The following MMP7 variants were observed in gnomAD, a reference collection of about 807,000 sequenced individuals.
MMP7 encodes matrix metallopeptidase 7, also known as matrilysin.
Under a neutral mutation model 31.5 loss-of-function variants are expected in MMP7, and 26 were observed. The ratio of observed to expected loss-of-function variants is 0.83; its 90% CI spans 0.61 to 1.15. MMP7 has a LOEUF of 1.15. MMP7 is among the 50% of genes most tolerant of loss of function. The pLI, the probability that MMP7 is intolerant of heterozygous loss-of-function variation, is 0.00. For synonymous variants in MMP7, 142 were observed against 124.2 expected (o/e 1.14, Z -0.95); for missense variants, 367 against 326.5 (o/e 1.12, Z -0.96).
rs916025018 is a variant in MMP7, at chr11:102,526,382, G to T, written c.484+1142C>A. On this transcript the variant is annotated intron_variant, in intron 3 of 5. Transcript: ENST00000260227. The stretch of plus-strand genomic sequence containing the variant: ...AGCCTCCCAAGCAGCTGGAATTACA[G>T]GCATGCGTCACCATGCTCAGCTAAT... 1.8e-4 allele frequency among the ~76,000 whole-genome samples: 28 copies of T among 151,852 alleles called. 1 individual carries two copies. The highest frequency in any genetic ancestry group is 6.5e-4 in the African/African-American group (27 of 41,420).
rs866055728 is a variant in MMP7 at position 102,520,714 on chromosome 11, T to C, written c.*62A>G. The stretch of plus-strand genomic sequence containing the variant: ...GTGGAGGAACAGTGCTTATCAATTC[T>C]GATTGTGCAACAATGATATACAATC... On this transcript the variant is annotated 3_prime_UTR_variant, in exon 6 of 6. Coordinates refer to ENST00000260227, the MANE Select transcript of MMP7 (RefSeq NM_002423.5). The C allele has an allele frequency of 5.9e-6, 8 of 1,351,628 alleles. No individual in the cohort carries two copies. In the Middle Eastern group the frequency reaches 7.2e-4, roughly 122 times the overall value. The allele number at this position is 1,351,628 out of a possible 1,614,324, so 83.7% of individuals were successfully genotyped here.
At chr11:102,529,411 T>A (rs978791810) in intron 1 of MMP7, among the ~76,000 whole-genome samples, 1 of 152,190 alleles carries the variant, frequency 6.6e-6, no homozygotes, top group Non-Finnish European at 1.5e-5. Flanking sequence ...TGTTTTTTTG[T>A]TAAACCTAGC....
intron 4 of MMP7, 80 bp downstream of exon 4, chr11:102,524,856 A>T: frequency 2.7e-6 from 4 of 1,465,832 alleles, no homozygotes; most frequent in Non-Finnish European, 3.6e-6. Flanking sequence ...ACTTATTATA[A>T]ATTAATATAA....
Position 102,527,998 on chromosome 11 carries a change from G to A in MMP7, c.109-15C>T, listed in dbSNP as rs17881703. ...TTGAGATAGTCCTATTGAAAAGAGA[G>A]TAATTAATCTATAGTTCTTGTTTAT... On this transcript the variant is annotated splice_polypyrimidine_tract_variant and intron_variant, in intron 1 of 5. Transcript: ENST00000260227. 0.016 allele frequency: 25,549 copies of A among 1,550,666 alleles called. 248 individuals carry two copies. The highest frequency in any genetic ancestry group is 0.02 in the Non-Finnish European group (22,601 of 1,127,024).
chr11:102,523,443 T>C (rs1858636063), intron 4 of MMP7, 42 bp from the exon 5 acceptor site: 4 of 1,479,078 alleles, frequency 2.7e-6, no homozygotes, highest in Middle Eastern at 1.8e-4. Flanking sequence ...TAAAAATAGC[T>C]ACATACATTA....
At position 102,523,284 on chromosome 11, in the gene MMP7, A is replaced by T. The variant is rs1343258925; in HGVS notation, c.731T>A (p.Phe244Tyr). 5 of 1,611,904 alleles carry T rather than the reference A, an allele frequency of 3.1e-6. No individual in the cohort carries two copies. The East Asian group carries it at 1.1e-4, about 36-fold the overall frequency. ...TTTAATATCATCCTGGGAAAGTTTA[A>T]AATTTTGGGGATCTCCATTTCCATA... ...PTYGNGDPQN[F>Y]KLSQDDIKGI... is the part of the protein sequence containing the mutation. The change falls in exon 5 of 6, where the codon TTT becomes TAT. Residue 244 changes from phenylalanine to tyrosine, a missense_variant. Transcript: ENST00000260227.
intron 1 of MMP7, among the ~76,000 whole-genome samples, chr11:102,528,342 G>C (rs773795026): frequency 2.2e-4 from 34 of 152,198 alleles, no homozygotes; most frequent in Non-Finnish European, 4.4e-4. Context: ...GACATTCTCT[G>C]TGTTATCATA....
At chr11:102,527,476 G>GAACA (rs1180646425) in intron 3 of MMP7, 48 bp downstream of exon 3, 1 of 1,612,218 alleles carries the variant, frequency 6.2e-7, no homozygotes, top group Admixed American at 1.7e-5. Context: ...TATAAACCAT[G>GAACA]AACAAACAAA....
At chr11:102,524,853 A>G (rs1353571596) in intron 4 of MMP7, 83 bp downstream of exon 4, 1 of 1,449,138 alleles carries the variant, frequency 6.9e-7, no homozygotes, top group Non-Finnish European at 9.2e-7. Flanking sequence ...AATACTTATT[A>G]TAAATTAATA....
rs372425855 is a variant in MMP7, at chr11:102,524,990, C to T, written c.559G>A (p.Gly187Arg). Residue 187 changes from glycine (G) to arginine (R), a missense_variant, in exon 4 of 6, where the codon GGA becomes AGA. Gly to Arg is a moderately radical substitution (Grantham distance 125). Coordinates refer to ENST00000260227, the MANE Select transcript of MMP7 (RefSeq NM_002423.5). ...TCCTCATCGAAGTGAGCATCTCCTCCGAGACCTGTCCCAGGCGCAAAGGCA... is the reference window on the plus strand; with the variant it reads ...TCCTCATCGAAGTGAGCATCTCCTCTGAGACCTGTCCCAGGCGCAAAGGCA... ...AHAFAPGTGL[G>R]GDAHFDEDER... is the part of the protein sequence containing the mutation. The T allele has an allele frequency of 1.5e-5, 25 of 1,613,982 alleles. No individual in the cohort carries two copies. The highest frequency in any genetic ancestry group is 1.1e-4 in the African/African-American group (8 of 74,906).
chr11:102,524,337 C>A (rs1858645357), intron 4 of MMP7: 1 of 152,176 alleles, frequency 6.6e-6, no homozygotes, highest in African/African-American at 2.4e-5. Context: ...TATGCCAGAG[C>A]TCTTCTCCAT....
rs1327012085 is a variant in MMP7, at chr11:102,530,658, T to A, written c.43A>T (p.Ser15Cys). Residue 15 changes from serine to cysteine, a missense_variant, in exon 1 of 6, where the codon AGC becomes TGC. Physicochemically the swap from Ser to Cys is moderately radical, Grantham distance 112 (BLOSUM62 -1). Transcript: ENST00000260227. ...VLCAVCLLPG[S>C]LALPLPQEAG... ...TCCTGAGGCAGCGGCAGGGCCAGGC[T>A]GCCAGGCAGCAGGCACACAGCACAC... is the stretch of plus-strand genomic sequence containing the variant. 2 of 1,614,012 alleles carry A rather than the reference T, an allele frequency of 1.2e-6. No homozygotes were observed. The highest frequency in any genetic ancestry group is 1.7e-6 in the Non-Finnish European group (2 of 1,179,970).
Position 102,530,696 on chromosome 11 carries a change from C to A in MMP7, c.5G>T (p.Arg2Leu). 4 of 1,613,142 alleles carry A rather than the reference C, an allele frequency of 2.5e-6. No homozygotes were observed. The South Asian group carries it at 4.4e-5, about 18-fold the overall frequency. ...GCACACAGCACACAGCACGGTGAGT[C>A]GCATAGCTGCCGTCCAGAGACAATT... M[R>L]LTVLCAVCLL... The change falls in exon 1 of 6, where the codon CGA becomes CTA. Residue 2 changes from arginine to leucine, a missense_variant. Arg to Leu is a moderately radical substitution (Grantham distance 102). Transcript: ENST00000260227.
rs566237147 is a variant in MMP7 at position 102,527,729 on chromosome 11, T to A, written c.335+28A>T. On this transcript the variant is annotated intron_variant, in intron 2 of 5. Transcript: ENST00000260227. ...CCTAGGAAACAGGCTTTATTGTTTT[T>A]GCCAAAATGAGCCAGAGCAAAACTA... 4.7e-5 allele frequency: 76 copies of A among 1,613,746 alleles called. 1 individual carries two copies. In the South Asian group the frequency reaches 8.3e-4, roughly 18 times the overall value.
Position 102,527,569 on chromosome 11 carries a change from C to G in MMP7, c.439G>C (p.Val147Leu). ...GKEIPLHFRKVVWGTADIMIG... is the reference protein window; with the variant it reads ...GKEIPLHFRKLVWGTADIMIG... ...ATGATGTCAGCAGTTCCCCATACAA[C>G]TTTCCTGAAATGCAGGGGGATCTCT... The change falls in exon 3 of 6, where the codon GTT becomes CTT. Residue 147 changes from valine to leucine, a missense_variant. Val to Leu is a conservative substitution (Grantham distance 32). Transcript: ENST00000260227. 1 of 1,614,180 alleles carries G rather than the reference C, an allele frequency of 6.2e-7. No homozygotes were observed. The highest frequency in any genetic ancestry group is 8.5e-7 in the Non-Finnish European group (1 of 1,180,030).
At chr11:102,522,992 C>T (rs1348709974) in intron 5 of MMP7, among the ~76,000 whole-genome samples, 2 of 152,124 alleles carry the variant, frequency 1.3e-5, no homozygotes, top group Non-Finnish European at 2.9e-5. Flanking sequence ...AAAATCTGGA[C>T]AATATCATTT....
At chr11:102,528,166 G>A (rs1485339573) in intron 1 of MMP7, among the ~76,000 whole-genome samples, 183 bp from the exon 2 acceptor site, 1 of 152,174 alleles carries the variant, frequency 6.6e-6, no homozygotes, top group Non-Finnish European at 1.5e-5. Flanking sequence ...TATTGCTAAT[G>A]AAGCACTGGC....
At chr11:102,525,495 T>C (rs1023253833) in intron 3 of MMP7, among the ~76,000 whole-genome samples, 5 of 151,540 alleles carry the variant, frequency 3.3e-5, no homozygotes, top group Non-Finnish European at 5.9e-5. Flanking sequence ...TAGCTGACAT[T>C]GTTATGTGCT....
At chr11:102,530,353 C>T (rs1858721505) in intron 1 of MMP7, among the ~76,000 whole-genome samples, 1 of 152,146 alleles carries the variant, frequency 6.6e-6, no homozygotes. Flanking sequence ...GTTTGATGAC[C>T]TTCCTGAGTC....
Sources: allele counts gnomAD v4.1 joint callset (sites outside exome capture counted in the v4.1 genomes callset), GRCh38; gene constraint gnomAD v4.1.1; transcripts MANE v1.5; gene names NCBI Gene and HGNC (gene_info 2026-07-23, HGNC 2026-07-21).